Variants in FOXO1 observed in about 807,000 individuals in gnomAD.
FOXO1 encodes the protein forkhead box protein O1.
A neutral mutation model predicts 44.1 loss-of-function variants in FOXO1; 6 were observed. The ratio of observed to expected loss-of-function variants is 0.14; its 90% CI spans 0.07 to 0.27. The LOEUF (loss-of-function observed/expected upper bound fraction) is 0.27, where lower values mean the gene tolerates loss of function less well. Ranked by LOEUF, FOXO1 falls within the 10% of genes least tolerant of loss-of-function variation. The pLI, the probability that FOXO1 is intolerant of heterozygous loss-of-function variation, is 1.00. For missense variants in FOXO1, 737 were observed against 888.8 expected (o/e 0.83, Z 2.17); for synonymous variants, 380 against 362.7 (o/e 1.05, Z -0.54).
At chr13:40,651,772 C>A (rs1877697235) in intron 1 of FOXO1, among the ~76,000 whole-genome samples, 1 of 151,774 alleles carries the variant, frequency 6.6e-6, no homozygotes, top group Non-Finnish European at 1.5e-5. Context: ...AAAATTCATT[C>A]TATCTCAAAA....
chr13:40,585,304 C>T (rs1043065955), intron 1 of FOXO1, among the ~76,000 whole-genome samples: 1 of 151,748 alleles, frequency 6.6e-6, no homozygotes, highest in African/African-American at 2.4e-5. Flanking sequence ...TCCTCCCCCG[C>T]TTTCCCCTTT....
intron 1 of FOXO1, among the ~76,000 whole-genome samples, chr13:40,601,665 T>C (rs965345533): frequency 1.3e-5 from 2 of 152,340 alleles, no homozygotes; most frequent in African/African-American, 4.8e-5. Flanking sequence ...AAATTCTCAG[T>C]GATTAAATGG....
chr13:40,613,173 T>C (rs1320120367), intron 1 of FOXO1, among the ~76,000 whole-genome samples: 2 of 152,184 alleles, frequency 1.3e-5, no homozygotes, highest in Non-Finnish European at 2.9e-5. Flanking sequence ...ACTTGGTCAA[T>C]AAGAGATAGC....
intron 1 of FOXO1, chr13:40,619,364 A>G: frequency 1.6e-6 from 1 of 625,594 alleles, no homozygotes; most frequent in Non-Finnish European, 2.9e-6. Flanking sequence ...GAAAGTTCAA[A>G]TGAATATTCT....
intron 1 of FOXO1, among the ~76,000 whole-genome samples, chr13:40,585,360 C>A (rs982631050): frequency 2.0e-5 from 3 of 152,004 alleles, no homozygotes; most frequent in African/African-American, 7.3e-5. Context: ...CACACACACA[C>A]ACACACACAC....
chr13:40,619,464 A>T (rs1876537275), intron 1 of FOXO1: 1 of 1,262,010 alleles, frequency 7.9e-7, no homozygotes, highest in African/African-American at 1.5e-5. Flanking sequence ...CTGTGAGTCG[A>T]ACAAACTCGA....
rs1259633738 is a variant in FOXO1 at position 40,666,507 on chromosome 13, C to G, written c.-295G>C. ...TGCGCCGCGCTCCAGCTGACAGGGC[C>G]GCGGACGGAAGGACGGACGGACGCC... is the stretch of plus-strand genomic sequence containing the variant. On this transcript the variant is annotated 5_prime_UTR_variant, in exon 1 of 3. Coordinates refer to ENST00000379561, the MANE Select transcript of FOXO1 (RefSeq NM_002015.4). 1 of 316,718 alleles carries G rather than the reference C, an allele frequency of 3.2e-6. No individual in the cohort carries two copies. The highest frequency in any genetic ancestry group is 4.7e-5 in the East Asian group (1 of 21,474). 19.6% of individuals were successfully genotyped at this position (316,718 alleles called of 1,614,324 possible). A position where few individuals can be genotyped will look rare whatever the true frequency, so the allele number is the denominator to read the frequency against.
intron 1 of FOXO1, among the ~76,000 whole-genome samples, chr13:40,625,541 GT>G (rs757745003): frequency 2.0e-5 from 3 of 151,540 alleles, no homozygotes; most frequent in East Asian, 3.9e-4. Context: ...TAAAACAGAG[GT>G]TTTTTTTACA....
At chr13:40,626,227 A>G (rs1402644539) in intron 1 of FOXO1, among the ~76,000 whole-genome samples, 2 of 152,258 alleles carry the variant, frequency 1.3e-5, no homozygotes, top group African/African-American at 4.8e-5. Flanking sequence ...CATTCTGATA[A>G]GAGGATATAT....
intron 1 of FOXO1, among the ~76,000 whole-genome samples, chr13:40,628,582 T>C (rs949714451): frequency 2.6e-5 from 4 of 152,106 alleles, no homozygotes; most frequent in Non-Finnish European, 4.4e-5. Context: ...AGAAAATGTA[T>C]AGTGGAATCG....
At chr13:40,659,298 G>T (rs536857319) in intron 1 of FOXO1, among the ~76,000 whole-genome samples, 2 of 135,600 alleles carry the variant, frequency 1.5e-5, no homozygotes, top group South Asian at 4.7e-4. Context: ...CTGGGTGACA[G>T]AGCAAGACTC....
Position 40,626,294 on chromosome 13 carries a change from A to G in FOXO1, c.630+39289T>C, listed in dbSNP as rs746986483. On this transcript the variant is annotated intron_variant, in intron 1 of 2. Coordinates refer to ENST00000379561, the MANE Select transcript of FOXO1 (RefSeq NM_002015.4). ...AAAAGCTTAAAAGGATTCAATATTC[A>G]CAAGTCTCCTGACAAAGCAACCAAG... Among the ~76,000 whole-genome samples the G allele has an allele frequency of 3.8e-4, 58 of 152,370 alleles. 1 individual carries two copies. The highest frequency in any genetic ancestry group is 8.2e-4 in the Non-Finnish European group (56 of 68,042).
intron 1 of FOXO1, among the ~76,000 whole-genome samples, chr13:40,576,231 G>C (rs1041332483): frequency 3.3e-5 from 5 of 152,154 alleles, no homozygotes; most frequent in African/African-American, 1.2e-4. Flanking sequence ...CACAGAAAGG[G>C]AGGAGAGAGA....
intron 1 of FOXO1, among the ~76,000 whole-genome samples, chr13:40,567,204 C>A (rs1011112125): frequency 6.6e-6 from 1 of 152,024 alleles, no homozygotes; most frequent in African/African-American, 2.4e-5. Flanking sequence ...TCTATGATTA[C>A]CCTGGTCTTT....
chr13:40,660,469 T>C (rs1877999585), intron 1 of FOXO1, among the ~76,000 whole-genome samples: 1 of 152,180 alleles, frequency 6.6e-6, no homozygotes, highest in African/African-American at 2.4e-5. Context: ...TCCAGCCAAA[T>C]ACAGCTGCTA....
At chr13:40,570,421 C>T (rs953494249) in intron 1 of FOXO1, among the ~76,000 whole-genome samples, 3 of 152,014 alleles carry the variant, frequency 2.0e-5, no homozygotes, top group Non-Finnish European at 2.9e-5. Flanking sequence ...AATGGGACTA[C>T]GGTATTGAGG....
At chr13:40,656,623 T>A (rs370306545) in intron 1 of FOXO1, among the ~76,000 whole-genome samples, 1 of 152,356 alleles carries the variant, frequency 6.6e-6, no homozygotes, top group East Asian at 1.9e-4. Context: ...TTGCATTCCA[T>A]AGGTCTCCAT....
rs201385487 is a variant in FOXO1, at chr13:40,643,733, T to TA, written c.630+21849dup. Among the ~76,000 whole-genome samples the TA allele has an allele frequency of 7.7e-3, 1,144 of 149,024 alleles. 9 individuals carry two copies. The highest frequency in any genetic ancestry group is 0.012 in the Non-Finnish European group (837 of 67,088). On this transcript the variant is annotated intron_variant, in intron 1 of 2. Transcript: ENST00000379561. Reference sequence around the variant, plus strand: ...CCATATAATCCTAATGTCCGTAATTTAAAAAAAAAAGAAAAAGAAAACCCC... The same window carrying TA: ...CCATATAATCCTAATGTCCGTAATTTAAAAAAAAAAAGAAAAAGAAAACCCC...
intron 1 of FOXO1, among the ~76,000 whole-genome samples, chr13:40,573,937 G>GA (rs1305976830): frequency 1.3e-5 from 2 of 152,162 alleles, no homozygotes; most frequent in Non-Finnish European, 1.5e-5. Context: ...CAGAAAATTA[G>GA]AATCTCCCAC....
Sources: gnomAD v4.1 joint callset for allele counts (sites outside exome capture counted in the v4.1 genomes callset) on GRCh38, gnomAD v4.1.1 for gene constraint, MANE v1.5 for transcripts, NCBI Gene and HGNC (gene_info 2026-07-23, HGNC 2026-07-21) for gene names.